Variants in PLEKHM1 observed in about 807,000 individuals in gnomAD.
The protein encoded by PLEKHM1 is pleckstrin homology and RUN domain containing M1, also known as pleckstrin homology domain-containing family M member 1.
A neutral mutation model predicts 94.3 loss-of-function variants in PLEKHM1; 28 were observed. That is an observed-to-expected ratio of 0.30 (90% CI 0.22 to 0.41). The LOEUF is 0.41. PLEKHM1 is among the 10% of genes least tolerant of loss of function. The pLI is 1.00. For missense variants in PLEKHM1, 907 were observed against 1,358.6 expected (o/e 0.67, Z 5.22); for synonymous variants, 424 against 581.2 (o/e 0.73, Z 3.89).
In PLEKHM1 at chr17:45,435,926, C is replaced by A; in HGVS notation, c.*1932G>T. 2.2e-6 allele frequency: 1 copy of A among 456,078 alleles called. No individual in the cohort carries two copies. 28.3% of individuals were successfully genotyped at this position (456,078 alleles called of 1,614,324 possible). Reference sequence around the variant, plus strand: ...GATGAGAAAGATCAGGTCTTTACTGCAAAATCATTCAAAACTCACACGGCA... The same window carrying A: ...GATGAGAAAGATCAGGTCTTTACTGAAAAATCATTCAAAACTCACACGGCA... On this transcript the variant is annotated 3_prime_UTR_variant, in exon 12 of 12. Transcript: ENST00000430334.
intron 4 of PLEKHM1, among the ~76,000 whole-genome samples, chr17:45,469,297 C>T (rs142362864): frequency 1.0e-3 from 153 of 152,280 alleles, no homozygotes; most frequent in African/African-American, 3.3e-3. Flanking sequence ...CTGTCTCCTC[C>T]GTGCTGCTTC....
At position 45,440,304 on chromosome 17, in the gene PLEKHM1, C is replaced by T. The variant is rs2050407679; in HGVS notation, c.2838-78G>A. On this transcript the variant is annotated intron_variant, in intron 9 of 11. Transcript: ENST00000430334. The stretch of plus-strand genomic sequence containing the variant: ...GCCTGTGTTGTTTGTTTACACTCCC[C>T]TGGCGCTGCTCACCAGGCAGACACC... 47 of 1,404,696 alleles carry T rather than the reference C, an allele frequency of 3.3e-5. 1 individual carries two copies. The South Asian group carries it at 5.3e-4, about 16-fold the overall frequency. 87.0% of individuals were successfully genotyped at this position (1,404,696 alleles called of 1,614,324 possible). A position where few individuals can be genotyped will look rare whatever the true frequency, so the allele number is the denominator to read the frequency against.
intron 1 of PLEKHM1, among the ~76,000 whole-genome samples, chr17:45,490,304 G>A (rs532152432): frequency 6.6e-6 from 1 of 152,176 alleles, no homozygotes; most frequent in East Asian, 1.9e-4. Flanking sequence ...AGAGGATGAG[G>A]TGTGTCAGGG....
rs556558049 is a variant in PLEKHM1 at position 45,457,205 on chromosome 17, G to T, written c.1579+964C>A. Among the ~76,000 whole-genome samples, 10 of 150,486 alleles carry T rather than the reference G, an allele frequency of 6.6e-5. No individual in the cohort carries two copies. The South Asian group carries it at 2.1e-3, about 32-fold the overall frequency. On this transcript the variant is annotated intron_variant, in intron 6 of 11. Coordinates refer to ENST00000430334, the MANE Select transcript of PLEKHM1 (RefSeq NM_014798.3). ...AAAAAAAAAAAAAAGAAGCACTGGA[G>T]GACATTAAACAAATAGCAGATCCTC... is the stretch of plus-strand genomic sequence containing the variant.
chr17:45,443,429 A>G (rs2145174006), intron 9 of PLEKHM1, among the ~76,000 whole-genome samples: 1 of 152,318 alleles, frequency 6.6e-6, no homozygotes, highest in East Asian at 1.9e-4. Flanking sequence ...AGGGCCTCCC[A>G]CACTCTTTCC....
At chr17:45,473,882 T>C (rs1348703310) in intron 4 of PLEKHM1, among the ~76,000 whole-genome samples, 1 of 151,488 alleles carries the variant, frequency 6.6e-6, no homozygotes, top group East Asian at 2.0e-4. Context: ...TGGTATTTGT[T>C]GTAGATGCAT....
At position 45,458,381 on chromosome 17, in the gene PLEKHM1, A is replaced by G; in HGVS notation, c.1367T>C (p.Leu456Pro). 1.9e-6 allele frequency: 3 copies of G among 1,613,940 alleles called. No homozygotes were observed. Among genetic ancestry groups the G allele is most frequent in the Non-Finnish European group, 1.7e-6 (2 of 1,179,802 alleles). Residue 456 changes from leucine (L) to proline (P), a missense_variant, in exon 6 of 12, where the codon CTG becomes CCG. Leu to Pro is a moderately conservative substitution (Grantham distance 98). Transcript: ENST00000430334. ...DFYRPSREQP[L>P]ESASDHPIAS... The stretch of plus-strand genomic sequence containing the variant: ...TATTGGGTGGTCTGAAGCACTCTCC[A>G]GGGGTTGCTCCCGGGAAGGCCGGTA...
intron 3 of PLEKHM1, chr17:45,475,969 G>A (rs1176872369): frequency 8.5e-6 from 5 of 585,906 alleles, no homozygotes; most frequent in African/African-American, 5.6e-5. Context: ...GCAACAGGAC[G>A]AAACTCTGTC....
intron 1 of PLEKHM1, among the ~76,000 whole-genome samples, chr17:45,486,375 G>C (rs1295069379): frequency 6.6e-6 from 1 of 151,394 alleles, no homozygotes; most frequent in Non-Finnish European, 1.5e-5. Flanking sequence ...GAGGTCAGGA[G>C]ATCGAGACCA....
intron 1 of PLEKHM1, chr17:45,487,992 ATG>A (rs1200656141): frequency 2.8e-6 from 1 of 352,158 alleles, no homozygotes; most frequent in Non-Finnish European, 5.6e-6. Flanking sequence ...TCTTTCAGGC[ATG>A]TGAGTGCTGA....
At chr17:45,465,019 GA>G (rs1277064821) in intron 5 of PLEKHM1, among the ~76,000 whole-genome samples, 2 of 151,976 alleles carry the variant, frequency 1.3e-5, no homozygotes, top group Non-Finnish European at 2.9e-5. Context: ...GAGATACCAA[GA>G]AAAAGAACCA....
intron 3 of PLEKHM1, among the ~76,000 whole-genome samples, chr17:45,476,827 C>T (rs1444241076): frequency 6.6e-6 from 1 of 152,192 alleles, no homozygotes; most frequent in Non-Finnish European, 1.5e-5. Flanking sequence ...GGTTTATCTC[C>T]TCCATGGGAA....
At chr17:45,466,630 C>T (rs1018619800) in intron 5 of PLEKHM1, among the ~76,000 whole-genome samples, 1 of 151,918 alleles carries the variant, frequency 6.6e-6, no homozygotes, top group African/African-American at 2.4e-5. Flanking sequence ...GATTGACTGG[C>T]CAATAAGCAA....
intron 5 of PLEKHM1, among the ~76,000 whole-genome samples, chr17:45,462,637 T>C (rs2051186565): frequency 6.6e-6 from 1 of 152,162 alleles, no homozygotes; most frequent in South Asian, 2.1e-4. Flanking sequence ...TAAGGCTGTT[T>C]GGAATGGTTT....
chr17:45,487,175 C>T (rs1176880483), intron 1 of PLEKHM1, among the ~76,000 whole-genome samples: 1 of 152,190 alleles, frequency 6.6e-6, no homozygotes, highest in African/African-American at 2.4e-5. Flanking sequence ...AAGTCTACTG[C>T]CACCCTGTGT....
At chr17:45,461,723 GTGCAGGCCCC>G (rs1264580460) in intron 5 of PLEKHM1, among the ~76,000 whole-genome samples, 3 of 152,170 alleles carry the variant, frequency 2.0e-5, no homozygotes, top group Non-Finnish European at 4.4e-5. Context: ...GCCCACTTCT[GTGCAGGCCCC>G]TGCAACCCCA....
downstream of PLEKHM1, chr17:45,434,540 G>A: frequency 6.6e-6 from 1 of 151,832 alleles, no homozygotes; most frequent in Non-Finnish European, 1.5e-5. Context: ...TCCGCCTCCG[G>A]GTTCAAGTGG....
chr17:45,451,751 C>T (rs980582935), intron 7 of PLEKHM1, among the ~76,000 whole-genome samples: 6 of 152,162 alleles, frequency 3.9e-5, no homozygotes, highest in East Asian at 1.9e-4. Context: ...CAGTCCCACC[C>T]GCTGGTGGGT....
chr17:45,490,692 C>T lies in PLEKHM1; in HGVS notation c.-82G>A, dbSNP rs2145380748. ...GCGAGGCGAGGGGCGCTCCCGGCCG[C>T]GGCAGCCCCTCAGCCTCCGAGCCGA... On this transcript the variant is annotated 5_prime_UTR_variant, in exon 1 of 12. Coordinates refer to ENST00000430334, the MANE Select transcript of PLEKHM1 (RefSeq NM_014798.3). The T allele has an allele frequency of 6.7e-6, 3 of 450,462 alleles. No individual in the cohort carries two copies. The highest frequency in any genetic ancestry group is 4.7e-5 in the South Asian group (3 of 63,926). 27.9% of individuals were successfully genotyped at this position (450,462 alleles called of 1,614,324 possible).
Sources: gnomAD v4.1 joint callset for allele counts (sites outside exome capture counted in the v4.1 genomes callset) on GRCh38, gnomAD v4.1.1 for gene constraint, MANE v1.5 for transcripts, NCBI Gene and HGNC (gene_info 2026-07-23, HGNC 2026-07-21) for gene names.